ROBO1: variants seen among roughly 807,000 people sequenced by gnomAD.
The protein encoded by ROBO1 is roundabout guidance receptor 1.
Under a neutral mutation model 195.9 loss-of-function variants are expected in ROBO1, and 149 were observed. The ratio of observed to expected loss-of-function variants is 0.76; its 90% CI spans 0.67 to 0.87. The LOEUF (loss-of-function observed/expected upper bound fraction) is 0.87. Among genes scored for constraint, ROBO1 ranks in the 40% least tolerant of loss-of-function variants. ROBO1 has a pLI of 0.00. For synonymous variants in ROBO1, 816 were observed against 733.2 expected (o/e 1.11, Z -1.82); for missense variants, 1,933 against 2,068.3 (o/e 0.93, Z 1.27).
At chr3:78,638,193 G>A (rs1004273418) in intron 22 of ROBO1, among the ~76,000 whole-genome samples, 5 of 141,246 alleles carry the variant, frequency 3.5e-5, no homozygotes, top group African/African-American at 1.3e-4. Context: ...GTATATATAT[G>A]TGTGTATGTG....
rs2037942900 is a variant in ROBO1 at position 79,415,089 on chromosome 3, C to T, written c.88+174735G>A. Among the ~76,000 whole-genome samples the T allele has an allele frequency of 2.0e-5, 3 of 152,102 alleles. No homozygotes were observed. The South Asian group carries it at 6.2e-4, about 31-fold the overall frequency. ...TGATCAGTACCATCATGTCACTAACCATATAAATACATCCTGACTCACGGA... is the reference window on the plus strand; with the variant it reads ...TGATCAGTACCATCATGTCACTAACTATATAAATACATCCTGACTCACGGA... On this transcript the variant is annotated intron_variant, in intron 2 of 30. Coordinates refer to ENST00000464233, the MANE Select transcript of ROBO1 (RefSeq NM_002941.4).
chr3:79,168,974 CTAAAGA>C (rs957750468), intron 2 of ROBO1, among the ~76,000 whole-genome samples: 77 of 152,002 alleles, frequency 5.1e-4, no homozygotes, highest in African/African-American at 1.6e-3. Flanking sequence ...GAGCAAAATT[CTAAAGA>C]TAAAGGGGAA....
At chr3:78,645,785 G>A (rs1706241617) in intron 21 of ROBO1, among the ~76,000 whole-genome samples, 1 of 152,178 alleles carries the variant, frequency 6.6e-6, no homozygotes, top group South Asian at 2.1e-4. Context: ...TGTTCAGCAG[G>A]TTTTTCAAAT....
intron 26 of ROBO1, among the ~76,000 whole-genome samples, chr3:78,619,562 C>T (rs1704326392): frequency 6.6e-6 from 1 of 151,564 alleles, no homozygotes; most frequent in Non-Finnish European, 1.5e-5. Flanking sequence ...TCCCTTTTCT[C>T]ATTCCATCTT....
chr3:78,783,518 C>T (rs1415531754), intron 4 of ROBO1, among the ~76,000 whole-genome samples: 3 of 152,018 alleles, frequency 2.0e-5, no homozygotes, highest in African/African-American at 4.8e-5. Flanking sequence ...AATAGTGATG[C>T]TAAGGACATT....
intron 2 of ROBO1, among the ~76,000 whole-genome samples, chr3:79,251,868 A>G (rs1406697087): frequency 6.6e-6 from 1 of 152,018 alleles, no homozygotes; most frequent in African/African-American, 2.4e-5. Flanking sequence ...GAGAATCCCT[A>G]GAACCCAGGA....
chr3:79,381,865 T>C (rs893008494), intron 2 of ROBO1, among the ~76,000 whole-genome samples: 2 of 152,186 alleles, frequency 1.3e-5, no homozygotes, highest in Non-Finnish European at 2.9e-5. Context: ...TGTACGTCTT[T>C]TCAAATTTAA....
At chr3:79,068,731 C>G (rs2079041563) in intron 3 of ROBO1, among the ~76,000 whole-genome samples, 1 of 151,592 alleles carries the variant, frequency 6.6e-6, no homozygotes, top group African/African-American at 2.4e-5. Flanking sequence ...AGAATAGTCC[C>G]CACTTAAAAA....
chr3:78,912,579 C>T (rs2038311300), intron 4 of ROBO1, among the ~76,000 whole-genome samples: 1 of 152,136 alleles, frequency 6.6e-6, no homozygotes, highest in African/African-American at 2.4e-5. Context: ...AGCTGAGTCT[C>T]AGCCTCTGTT....
intron 1 of ROBO1, among the ~76,000 whole-genome samples, chr3:79,614,286 A>G (rs1194243536): frequency 6.6e-6 from 1 of 152,148 alleles, no homozygotes; most frequent in Non-Finnish European, 1.5e-5. Context: ...AATGAAATGG[A>G]GTTTAAACAG....
At chr3:79,352,506 C>T (rs1009106015) in intron 2 of ROBO1, among the ~76,000 whole-genome samples, 1 of 152,162 alleles carries the variant, frequency 6.6e-6, no homozygotes, top group Non-Finnish European at 1.5e-5. Context: ...AAGTTTTTGC[C>T]TGCACTCAGT....
At chr3:78,945,063 G>A (rs1156692123) in intron 3 of ROBO1, among the ~76,000 whole-genome samples, 4 of 152,216 alleles carry the variant, frequency 2.6e-5, no homozygotes. Context: ...AAGGAGGCCT[G>A]CCTGCCCCTG....
chr3:79,304,310 G>A (rs1188972247), intron 2 of ROBO1, among the ~76,000 whole-genome samples: 5 of 151,956 alleles, frequency 3.3e-5, no homozygotes, highest in Admixed American at 6.6e-5. Context: ...CATACCACAG[G>A]AAAATGTCAG....
At chr3:78,635,572 T>C (rs1705444566) in intron 23 of ROBO1, among the ~76,000 whole-genome samples, 1 of 152,152 alleles carries the variant, frequency 6.6e-6, no homozygotes, top group Non-Finnish European at 1.5e-5. Context: ...TACTTATATA[T>C]TATTATAAAA....
chr3:79,754,356 T>A (rs1704272712), intron 1 of ROBO1, among the ~76,000 whole-genome samples: 1 of 152,170 alleles, frequency 6.6e-6, no homozygotes, highest in Admixed American at 6.5e-5. Context: ...TCACTTGTAT[T>A]CACTTCAGTG....
chr3:79,716,649 A>C (rs1399358771), intron 1 of ROBO1, among the ~76,000 whole-genome samples: 1 of 152,004 alleles, frequency 6.6e-6, no homozygotes, highest in Non-Finnish European at 1.5e-5. Flanking sequence ...AAGATGTAGC[A>C]AATATGGTAT....
intron 4 of ROBO1, among the ~76,000 whole-genome samples, chr3:78,882,248 A>G (rs1005344554): frequency 1.3e-5 from 2 of 152,172 alleles, no homozygotes; most frequent in Admixed American, 6.6e-5. Context: ...TTTCTGTTCA[A>G]TTTCCTGGAT....
chr3:78,686,373 G>A (rs967479250), intron 9 of ROBO1, among the ~76,000 whole-genome samples: 21 of 151,788 alleles, frequency 1.4e-4, no homozygotes, highest in Admixed American at 2.0e-4. Context: ...TGGCTAACAC[G>A]GTGAAACCCT....
intron 1 of ROBO1, among the ~76,000 whole-genome samples, chr3:79,737,638 A>T (rs1424821975): frequency 7.0e-6 from 1 of 142,696 alleles, no homozygotes; most frequent in African/African-American, 2.6e-5. Flanking sequence ...AAAATATAAC[A>T]GATGTTCTTT....
Sources: allele counts gnomAD v4.1 joint callset (sites outside exome capture counted in the v4.1 genomes callset), GRCh38; gene constraint gnomAD v4.1.1; transcripts MANE v1.5; gene names NCBI Gene and HGNC (gene_info 2026-07-23, HGNC 2026-07-21).